CERS3: variants seen among roughly 807,000 people sequenced by gnomAD.
CERS3 encodes the protein ceramide synthase 3.
In CERS3, 33 loss-of-function variants were observed where a neutral mutation model predicts 50.3. That is an observed-to-expected ratio of 0.66 (90% CI 0.50 to 0.88). CERS3 has a LOEUF of 0.88. CERS3 is among the 40% of genes least tolerant of loss of function. The pLI is 0.00. For missense variants in CERS3, 470 were observed against 460.3 expected (o/e 1.02, Z -0.19); for synonymous variants, 176 against 155.2 (o/e 1.13, Z -0.99).
chr15:100,456,408 T>C (rs1240868349), intron 10 of CERS3, among the ~76,000 whole-genome samples: 1 of 152,240 alleles, frequency 6.6e-6, no homozygotes, highest in Non-Finnish European at 1.5e-5. Context: ...AGATAATGCA[T>C]GTTTACATGA....
chr15:100,463,845 G>T (rs552796333), intron 10 of CERS3, among the ~76,000 whole-genome samples: 2 of 152,178 alleles, frequency 1.3e-5, no homozygotes, highest in Non-Finnish European at 2.9e-5. Flanking sequence ...CATCAGAACC[G>T]ATGCTCTGCC....
At position 100,402,392 on chromosome 15, in the gene CERS3, C is replaced by A. The variant is rs115118132; in HGVS notation, c.*321G>T. 3.6e-3 allele frequency: 859 copies of A among 241,066 alleles called. 8 individuals carry two copies. Among genetic ancestry groups the A allele is most frequent in the African/African-American group, 0.018 (815 of 44,168 alleles). The allele number at this position is 241,066 out of a possible 1,614,324, so 14.9% of individuals were successfully genotyped here. On this transcript the variant is annotated 3_prime_UTR_variant, in exon 12 of 12. Coordinates refer to ENST00000679737, the MANE Select transcript of CERS3 (RefSeq NM_001378789.1). ...CCTGAGGACAGGCAAGGTGGCGAGG[C>A]GAAAGGGTCTATAACAAAGCGAGCC...
upstream of CERS3, among the ~76,000 whole-genome samples, chr15:100,531,634 A>G (rs1046207318): frequency 6.6e-6 from 1 of 152,188 alleles, no homozygotes; most frequent in Non-Finnish European, 1.5e-5. Flanking sequence ...CCTCACCATA[A>G]ATGTATCAGT....
intron 10 of CERS3, among the ~76,000 whole-genome samples, chr15:100,461,772 C>T (rs752050681): frequency 2.6e-5 from 4 of 151,968 alleles, no homozygotes; most frequent in South Asian, 2.1e-4. Context: ...AAGCAGGATC[C>T]GAGGAATGGG....
intron 2 of CERS3, among the ~76,000 whole-genome samples, chr15:100,502,251 G>GAAAAAAAAAAAAAAAAAAAAAA (rs58654483): frequency 8.8e-6 from 1 of 113,698 alleles, no homozygotes; most frequent in Non-Finnish European, 1.7e-5. Flanking sequence ...CTCAAAAAAA[G>GAAAAAAAAAAAAAAAAAAAAAA]AAAAAAAAAA....
intron 11 of CERS3, among the ~76,000 whole-genome samples, chr15:100,435,521 T>C (rs1183129644): frequency 2.0e-5 from 3 of 152,172 alleles, no homozygotes; most frequent in Non-Finnish European, 4.4e-5. Flanking sequence ...ATAAAAGCCC[T>C]AGAAGAAAAC....
intron 3 of CERS3, among the ~76,000 whole-genome samples, chr15:100,501,432 T>C (rs757681217): frequency 6.6e-6 from 1 of 152,234 alleles, no homozygotes; most frequent in Non-Finnish European, 1.5e-5. Context: ...CTCTTGATCT[T>C]GATTTTCTTC....
intron 11 of CERS3, among the ~76,000 whole-genome samples, chr15:100,427,628 G>A (rs928714070): frequency 2.6e-5 from 4 of 152,170 alleles, no homozygotes; most frequent in Non-Finnish European, 5.9e-5. Flanking sequence ...TTACCCTTGT[G>A]TGCTGCACAA....
chr15:100,459,634 G>C (rs147840568), intron 10 of CERS3, among the ~76,000 whole-genome samples: 1 of 152,092 alleles, frequency 6.6e-6, no homozygotes, highest in African/African-American at 2.4e-5. Flanking sequence ...TATCCACTTA[G>C]AATAGCTAAA....
chr15:100,491,016 T>C, intron 3 of CERS3, 85 bp from the exon 4 acceptor site: 1 of 803,492 alleles, frequency 1.2e-6, no homozygotes. Flanking sequence ...TAACTTCAGG[T>C]TTCTAATGAA....
chr15:100,443,235 C>T (rs146580652), intron 11 of CERS3, among the ~76,000 whole-genome samples: 2 of 151,070 alleles, frequency 1.3e-5, no homozygotes, highest in South Asian at 2.1e-4. Context: ...GCACCCCTTA[C>T]CATCTCATTG....
At chr15:100,446,332 T>C (rs1224877461) in intron 11 of CERS3, among the ~76,000 whole-genome samples, 1 of 150,354 alleles carries the variant, frequency 6.7e-6, no homozygotes, top group Non-Finnish European at 1.5e-5. Context: ...AACAAGGTCA[T>C]CAGTAATTCA....
chr15:100,413,970 A>G (rs1376804074), intron 11 of CERS3, among the ~76,000 whole-genome samples: 1 of 152,090 alleles, frequency 6.6e-6, no homozygotes, highest in African/African-American at 2.4e-5. Flanking sequence ...CCAACCAGAA[A>G]AATACCTGGA....
At chr15:100,539,356 T>C (rs1330588866) in intron 1 of CERS3, among the ~76,000 whole-genome samples, 1 of 152,200 alleles carries the variant, frequency 6.6e-6, no homozygotes. Flanking sequence ...GCAGTACTAA[T>C]GTACTGTATT....
intron 9 of CERS3, among the ~76,000 whole-genome samples, chr15:100,472,124 C>A (rs894931838): frequency 1.2e-4 from 19 of 152,268 alleles, no homozygotes; most frequent in African/African-American, 3.9e-4. Context: ...CAATTGTTAG[C>A]CCTTCAAAAG....
intron 2 of CERS3, among the ~76,000 whole-genome samples, chr15:100,519,929 T>A (rs949034183): frequency 1.2e-4 from 18 of 152,316 alleles, no homozygotes; most frequent in African/African-American, 4.1e-4. Flanking sequence ...GGCTTTAATT[T>A]AAAAGAGCCC....
At chr15:100,474,413 C>CTT (rs146346575) in intron 8 of CERS3, among the ~76,000 whole-genome samples, 149 of 148,560 alleles carry the variant, frequency 1.0e-3, no homozygotes, top group East Asian at 4.8e-3. Flanking sequence ...TCTTTTTTTT[C>CTT]TTTTTTTTTT....
intron 4 of CERS3, among the ~76,000 whole-genome samples, chr15:100,488,655 T>A (rs1308139574): frequency 6.6e-6 from 1 of 152,218 alleles, no homozygotes; most frequent in Non-Finnish European, 1.5e-5. Context: ...ATTATTGTTA[T>A]CTTGATATAC....
chr15:100,531,188 T>C (rs544711143), upstream of CERS3, among the ~76,000 whole-genome samples: 2 of 152,262 alleles, frequency 1.3e-5, no homozygotes, highest in Non-Finnish European at 2.9e-5. Flanking sequence ...TATTTGCTGA[T>C]AAAATATAAT....
Sources: gnomAD v4.1 joint callset for allele counts (sites outside exome capture counted in the v4.1 genomes callset) on GRCh38, gnomAD v4.1.1 for gene constraint, MANE v1.5 for transcripts, NCBI Gene and HGNC (gene_info 2026-07-23, HGNC 2026-07-21) for gene names.